LRRC4C: variants seen among roughly 807,000 people sequenced by gnomAD.
LRRC4C encodes leucine rich repeat containing 4C, also known as leucine-rich repeat-containing protein 4C.
Under a neutral mutation model 33.6 loss-of-function variants are expected in LRRC4C, and 5 were observed. The ratio of observed to expected loss-of-function variants is 0.15; its 90% CI spans 0.08 to 0.31. LRRC4C has a LOEUF of 0.31. Among genes scored for constraint, LRRC4C ranks in the 10% least tolerant of loss-of-function variants. The pLI, the probability that LRRC4C is intolerant of heterozygous loss-of-function variation, is 1.00. For missense variants in LRRC4C, 560 were observed against 796.7 expected (o/e 0.70, Z 3.58); for synonymous variants, 329 against 302.0 (o/e 1.09, Z -0.93).
intron 2 of LRRC4C, among the ~76,000 whole-genome samples, chr11:40,907,108 C>T (rs1401702835): frequency 1.3e-5 from 2 of 152,216 alleles, no homozygotes; most frequent in Admixed American, 6.5e-5. Context: ...TTCTACCCTA[C>T]TAGCTTAGTT....
At chr11:40,933,934 T>G (rs539051362) in intron 1 of LRRC4C, among the ~76,000 whole-genome samples, 1 of 152,302 alleles carries the variant, frequency 6.6e-6, no homozygotes, top group East Asian at 1.9e-4. Context: ...TTTTGCAAAA[T>G]GATGTCAATC....
At chr11:41,100,860 C>T (rs1941130706) in intron 1 of LRRC4C, among the ~76,000 whole-genome samples, 1 of 152,034 alleles carries the variant, frequency 6.6e-6, no homozygotes, top group African/African-American at 2.4e-5. Flanking sequence ...ACAAATGGAA[C>T]AGAATAGAGA....
At chr11:41,242,303 T>C (rs1948283987) in intron 1 of LRRC4C, among the ~76,000 whole-genome samples, 1 of 152,158 alleles carries the variant, frequency 6.6e-6, no homozygotes, top group South Asian at 2.1e-4. Context: ...TAAAAGCATT[T>C]TTCATGAACT....
chr11:41,406,750 ACG>A (rs1491281095), intron 1 of LRRC4C, among the ~76,000 whole-genome samples: 2 of 138,940 alleles, frequency 1.4e-5, no homozygotes, highest in African/African-American at 2.6e-5. Context: ...ACACACACAC[ACG>A]CACCCTTAAT....
intron 2 of LRRC4C, among the ~76,000 whole-genome samples, chr11:40,919,826 C>G (rs1056962628): frequency 1.3e-5 from 2 of 151,890 alleles, no homozygotes; most frequent in African/African-American, 4.8e-5. Context: ...AAAAATTAGG[C>G]CATTGCAAAC....
intron 3 of LRRC4C, among the ~76,000 whole-genome samples, chr11:40,466,880 C>CACA (rs1253365833): frequency 1.3e-5 from 2 of 151,980 alleles, no homozygotes; most frequent in African/African-American, 4.8e-5. Context: ...CAGTTTAAAC[C>CACA]ACAATGTTTT....
chr11:41,014,037 C>T (rs113995446), intron 1 of LRRC4C, among the ~76,000 whole-genome samples: 1,858 of 152,260 alleles, frequency 0.012, 34 homozygotes, highest in African/African-American at 0.043. Context: ...GGGATTACAA[C>T]TTGACATGAG....
Position 41,223,620 on chromosome 11 carries a change from A to G in LRRC4C, c.-496+235811T>C, listed in dbSNP as rs558061274. On this transcript the variant is annotated intron_variant, in intron 1 of 6. Coordinates refer to ENST00000528697, the MANE Select transcript of LRRC4C (RefSeq NM_001258419.2). ...TACATGCTCACATGCTAGTCTCCCA[A>G]AGAAGGAGCTTTCTGCCTGCAGATT... Among the ~76,000 whole-genome samples the G allele has an allele frequency of 3.9e-5, 6 of 152,290 alleles. No homozygotes were observed. In the South Asian group the frequency reaches 1.2e-3, roughly 32 times the overall value.
intron 3 of LRRC4C, among the ~76,000 whole-genome samples, chr11:40,359,767 T>C (rs1947862389): frequency 6.6e-6 from 1 of 152,186 alleles, no homozygotes; most frequent in African/African-American, 2.4e-5. Context: ...AGCCTCATCT[T>C]TCCCAATTCA....
intron 1 of LRRC4C, among the ~76,000 whole-genome samples, chr11:41,063,193 C>T (rs1375390072): frequency 6.6e-6 from 1 of 152,148 alleles, no homozygotes; most frequent in African/African-American, 2.4e-5. Context: ...GCAAAGTAAG[C>T]ATTATTTTCC....
intron 2 of LRRC4C, among the ~76,000 whole-genome samples, chr11:40,767,705 T>C (rs1949541164): frequency 6.6e-6 from 1 of 151,928 alleles, no homozygotes; most frequent in African/African-American, 2.4e-5. Context: ...AAGTAAACCA[T>C]ATGCTCCTAA....
intron 2 of LRRC4C, among the ~76,000 whole-genome samples, chr11:40,927,302 A>T (rs1313923026): frequency 1.3e-5 from 2 of 151,896 alleles, no homozygotes; most frequent in Non-Finnish European, 2.9e-5. Context: ...TGAACCCGAG[A>T]GGCGGAGGTT....
At chr11:41,406,751 C>CACAT (rs1491151163) in intron 1 of LRRC4C, among the ~76,000 whole-genome samples, 8 of 146,866 alleles carry the variant, frequency 5.4e-5, no homozygotes, top group African/African-American at 1.5e-4. Flanking sequence ...CACACACACA[C>CACAT]GCACCCTTAA....
intron 3 of LRRC4C, among the ~76,000 whole-genome samples, chr11:40,373,670 T>G (rs1400018014): frequency 1.3e-5 from 2 of 152,112 alleles, no homozygotes; most frequent in Non-Finnish European, 2.9e-5. Context: ...GGCTCACTCA[T>G]GAACGGCCTG....
intron 1 of LRRC4C, among the ~76,000 whole-genome samples, chr11:41,362,427 T>G (rs1591354071): frequency 6.6e-6 from 1 of 152,248 alleles, no homozygotes; most frequent in Non-Finnish European, 1.5e-5. Context: ...ACCATGGATT[T>G]TGATGGAGAA....
At chr11:40,259,367 T>C (rs1210034317) in intron 4 of LRRC4C, among the ~76,000 whole-genome samples, 1 of 152,042 alleles carries the variant, frequency 6.6e-6, no homozygotes, top group African/African-American at 2.4e-5. Flanking sequence ...AGGTTGCCTG[T>C]TCACTCTGAT....
intron 3 of LRRC4C, among the ~76,000 whole-genome samples, chr11:40,459,052 A>G (rs1046638900): frequency 2.0e-5 from 3 of 152,190 alleles, no homozygotes; most frequent in Non-Finnish European, 2.9e-5. Flanking sequence ...ACATGAGGGT[A>G]TTTAACATAT....
At chr11:40,173,907 A>G (rs958941359) in intron 5 of LRRC4C, among the ~76,000 whole-genome samples, 6 of 152,166 alleles carry the variant, frequency 3.9e-5, no homozygotes, top group Non-Finnish European at 7.4e-5. Context: ...GTTGGGAAGC[A>G]ACAAGGTATT....
intron 2 of LRRC4C, among the ~76,000 whole-genome samples, chr11:40,860,492 G>T (rs1954032780): frequency 6.6e-6 from 1 of 151,834 alleles, no homozygotes; most frequent in African/African-American, 2.4e-5. Flanking sequence ...ATCTGTAGCA[G>T]AATCCTTCCT....
Sources: gnomAD v4.1 joint callset for allele counts (sites outside exome capture counted in the v4.1 genomes callset) on GRCh38, gnomAD v4.1.1 for gene constraint, MANE v1.5 for transcripts, NCBI Gene and HGNC (gene_info 2026-07-23, HGNC 2026-07-21) for gene names.